OSGIN1: variants seen among roughly 807,000 people sequenced by gnomAD.
OSGIN1 encodes oxidative stress-induced growth inhibitor 1.
In OSGIN1, 19 loss-of-function variants were observed where a neutral mutation model predicts 20.1. The ratio of observed to expected loss-of-function variants is 0.95; its 90% CI spans 0.66 to 1.39. OSGIN1 has a LOEUF of 1.39. Among genes scored for constraint, OSGIN1 ranks in the 40% most tolerant of loss-of-function variants. The pLI is 0.00. For missense variants in OSGIN1, 820 were observed against 653.0 expected (o/e 1.26, Z -2.79); for synonymous variants, 368 against 297.8 (o/e 1.24, Z -2.43).
At chr16:83,963,923 A>G (rs1567657992) in intron 5 of OSGIN1, among the ~76,000 whole-genome samples, 2 of 152,168 alleles carry the variant, frequency 1.3e-5, no homozygotes, top group Non-Finnish European at 2.9e-5. Flanking sequence ...AACAACAATA[A>G]TAGAATACCT....
intron 3 of OSGIN1, 62 bp from the exon 4 acceptor site, chr16:83,960,507 A>G: frequency 1.5e-6 from 2 of 1,373,792 alleles, no homozygotes; most frequent in Non-Finnish European, 2.0e-6. Flanking sequence ...GCCCAGCCTC[A>G]GGCTCTGGGA....
intron 1 of OSGIN1, among the ~76,000 whole-genome samples, chr16:83,956,402 G>C (rs149416679): frequency 1.1e-4 from 16 of 152,280 alleles, no homozygotes; most frequent in African/African-American, 3.6e-4. Context: ...ACTTTCTCTG[G>C]AAGAATTCTG....
chr16:83,962,410 T>C (rs2084226216), intron 5 of OSGIN1, among the ~76,000 whole-genome samples: 1 of 152,054 alleles, frequency 6.6e-6, no homozygotes, highest in Non-Finnish European at 1.5e-5. Context: ...GGCTAATTAT[T>C]TTTTGTATTT....
At chr16:83,962,371 T>G (rs987424352) in intron 5 of OSGIN1, among the ~76,000 whole-genome samples, 1 of 152,194 alleles carries the variant, frequency 6.6e-6, no homozygotes, top group Non-Finnish European at 1.5e-5. Flanking sequence ...CCCGAGTAGC[T>G]GGGACTACAG....
At chr16:83,954,632 A>C (rs1251014625) in intron 1 of OSGIN1, 2 of 336,894 alleles carry the variant, frequency 5.9e-6, no homozygotes, top group Non-Finnish European at 4.3e-6. Flanking sequence ...CTGAACGGGA[A>C]GTGACTTCTC....
intron 5 of OSGIN1, among the ~76,000 whole-genome samples, chr16:83,962,040 C>G (rs2084221286): frequency 6.6e-6 from 1 of 150,740 alleles, no homozygotes; most frequent in Admixed American, 6.6e-5. Context: ...GGTAAATTAA[C>G]TCACCTAAGG....
rs1225594122 is a variant in OSGIN1 at position 83,966,204 on chromosome 16, G to A, written c.*197G>A. On this transcript the variant is annotated 3_prime_UTR_variant, in exon 6 of 6. Coordinates refer to ENST00000393306, the MANE Select transcript of OSGIN1 (RefSeq NM_182981.3). ...TCTGAGGTGGTAACAGCGGCCGCAG[G>A]CCAGGGTTGGCCTAGACCTGGGATT... 1.2e-5 allele frequency: 7 copies of A among 582,392 alleles called. No homozygotes were observed. The highest frequency in any genetic ancestry group is 2.9e-5 in the East Asian group (1 of 34,868). 36.1% of individuals were successfully genotyped at this position (582,392 alleles called of 1,614,324 possible).
intron 2 of OSGIN1, among the ~76,000 whole-genome samples, chr16:83,959,052 C>T (rs113054248): frequency 1.7e-3 from 256 of 152,322 alleles, no homozygotes; most frequent in Middle Eastern, 0.014. Context: ...ATTCCTGGCA[C>T]AGAGTAAGCT....
At chr16:83,960,812 C>T in intron 4 of OSGIN1, 52 bp downstream of exon 4, 2 of 1,576,038 alleles carry the variant, frequency 1.3e-6, no homozygotes, top group Non-Finnish European at 1.7e-6. Context: ...CCCTCGTTCT[C>T]CCCACTTGGG....
rs767611606 is a variant in OSGIN1, at chr16:83,960,770, G to A, written c.396+10G>A. On this transcript the variant is annotated intron_variant, in intron 4 of 5. Coordinates refer to ENST00000393306, the MANE Select transcript of OSGIN1 (RefSeq NM_182981.3). ...CGGGGGAGCCTGGCACGTGAGTGGG[G>A]CAGCGAGGGCATGGCTTGTGGGGGG... 3 of 1,611,920 alleles carry A rather than the reference G, an allele frequency of 1.9e-6. No individual in the cohort carries two copies. Among genetic ancestry groups the A allele is most frequent in the Non-Finnish European group, 2.5e-6 (3 of 1,179,358 alleles).
At chr16:83,955,383 C>A (rs1187809464) in intron 1 of OSGIN1, among the ~76,000 whole-genome samples, 1 of 152,162 alleles carries the variant, frequency 6.6e-6, no homozygotes, top group Non-Finnish European at 1.5e-5. Flanking sequence ...GTGGGGGACC[C>A]TGGAACGGAC....
chr16:83,963,636 T>G (rs2084241558), intron 5 of OSGIN1, among the ~76,000 whole-genome samples: 1 of 152,164 alleles, frequency 6.6e-6, no homozygotes, highest in Non-Finnish European at 1.5e-5. Flanking sequence ...CAGAGATAAA[T>G]TCCAGGGTCG....
intron 1 of OSGIN1, chr16:83,954,486 C>A (rs1262250082): frequency 6.6e-6 from 1 of 152,266 alleles, no homozygotes; most frequent in Non-Finnish European, 1.5e-5. Flanking sequence ...ATTCTTCCAA[C>A]TCCGTAAAAC....
At chr16:83,963,503 C>T (rs1217377363) in intron 5 of OSGIN1, among the ~76,000 whole-genome samples, 1 of 152,160 alleles carries the variant, frequency 6.6e-6, no homozygotes, top group African/African-American at 2.4e-5. Flanking sequence ...CCAGCCCCTG[C>T]CAGCCCTGGA....
intron 1 of OSGIN1, chr16:83,954,181 A>G (rs921071283): frequency 1.1e-4 from 17 of 152,188 alleles, no homozygotes; most frequent in African/African-American, 4.1e-4. Context: ...GGATAAGAAC[A>G]CCCACCTCCT....
At chr16:83,958,713 C>T (rs755296658) in intron 2 of OSGIN1, among the ~76,000 whole-genome samples, 1 of 152,214 alleles carries the variant, frequency 6.6e-6, no homozygotes. Flanking sequence ...GTTCTTCAGA[C>T]GTGCAAGCAG....
intron 3 of OSGIN1, 39 bp downstream of exon 3, chr16:83,959,435 C>G (rs376458807): frequency 1.3e-6 from 2 of 1,549,762 alleles, no homozygotes; most frequent in Admixed American, 2.0e-5. Context: ...GTAGTACATA[C>G]CCGCCCTTGG....
chr16:83,962,573 C>T (rs375690158), intron 5 of OSGIN1, among the ~76,000 whole-genome samples: 4 of 152,210 alleles, frequency 2.6e-5, no homozygotes, highest in South Asian at 2.1e-4. Flanking sequence ...AGGTTGAAGA[C>T]GCACAACCAT....
Position 83,953,319 on chromosome 16 carries a change from C to G in OSGIN1, c.-84C>G. ...TGTGATCCGTGTTCCCCTGACCCTC[C>G]TAGTGCACAACTTGGCCGGGCTCAC... On this transcript the variant is annotated 5_prime_UTR_variant, in exon 1 of 6. Coordinates refer to ENST00000393306, the MANE Select transcript of OSGIN1 (RefSeq NM_182981.3). The G allele has an allele frequency of 7.8e-7, 1 of 1,289,008 alleles. No homozygotes were observed. The allele number at this position is 1,289,008 out of a possible 1,614,324, so 79.8% of individuals were successfully genotyped here. A position where few individuals can be genotyped will look rare whatever the true frequency, so the allele number is the denominator to read the frequency against.
Sources: gnomAD v4.1 joint callset for allele counts (sites outside exome capture counted in the v4.1 genomes callset) on GRCh38, gnomAD v4.1.1 for gene constraint, MANE v1.5 for transcripts, NCBI Gene and HGNC (gene_info 2026-07-23, HGNC 2026-07-21) for gene names.